Variants in MORN3 observed in about 807,000 individuals in gnomAD.
MORN3 encodes the protein MORN repeat containing 3, also known as MORN repeat-containing protein 3.
A neutral mutation model predicts 34.7 loss-of-function variants in MORN3; 38 were observed. The ratio of observed to expected loss-of-function variants is 1.10; its 90% CI spans 0.85 to 1.44. The LOEUF is 1.44. MORN3 is among the 40% of genes most tolerant of loss of function. The pLI, the probability that MORN3 is intolerant of heterozygous loss-of-function variation, is 0.00. For missense variants in MORN3, 311 were observed against 321.7 expected (o/e 0.97, Z 0.25); for synonymous variants, 109 against 115.3 (o/e 0.95, Z 0.35).
At chr12:121,657,173 A>T (rs1893438712) in intron 2 of MORN3, among the ~76,000 whole-genome samples, 1 of 152,228 alleles carries the variant, frequency 6.6e-6, no homozygotes. Context: ...TTAAACAAAG[A>T]CAGTAACAGC....
upstream of MORN3, among the ~76,000 whole-genome samples, chr12:121,669,834 T>TATAATATATATATATATATATATATATA (rs1566488482): frequency 2.2e-5 from 2 of 92,270 alleles, no homozygotes; most frequent in African/African-American, 9.2e-5. Flanking sequence ...ATATATATAT[T>TATAATATATATATATATATATATATATA]TTTTTTTTTA....
chr12:121,653,380 C>T (rs1236483904), intron 3 of MORN3, 121 bp from the exon 4 acceptor site: 36 of 1,031,886 alleles, frequency 3.5e-5, no homozygotes, highest in Non-Finnish European at 4.8e-5. Context: ...ATGGGAGGCT[C>T]ATAAGCCCAG....
rs12229133 is a variant in MORN3 at position 121,649,161 on chromosome 12, C to T, written c.*2490G>A. Reference sequence around the variant, plus strand: ...ACAGGGTTTCACCATGTTGGTCAGGCTGGTCTCGAACTCCTGACCTCTTGA... The same window carrying T: ...ACAGGGTTTCACCATGTTGGTCAGGTTGGTCTCGAACTCCTGACCTCTTGA... On this transcript the variant is annotated 3_prime_UTR_variant, in exon 6 of 6. Coordinates refer to ENST00000355329, the MANE Select transcript of MORN3 (RefSeq NM_173855.5). The T allele has an allele frequency of 0.022, 3,305 of 152,212 alleles. 74 individuals carry two copies. The highest frequency in any genetic ancestry group is 0.072 in the South Asian group (346 of 4,830). 9.4% of individuals were successfully genotyped at this position (152,212 alleles called of 1,614,324 possible).
chr12:121,652,940 G>A, intron 4 of MORN3, 132 bp from the exon 5 acceptor site: 1 of 1,425,072 alleles, frequency 7.0e-7, no homozygotes. Context: ...GGGATGCCCT[G>A]ACTGAAAACA....
chr12:121,663,256 C>A (rs144317774), intron 1 of MORN3, among the ~76,000 whole-genome samples: 14 of 148,334 alleles, frequency 9.4e-5, no homozygotes, highest in Non-Finnish European at 2.1e-4. Flanking sequence ...TGGAGTGCAA[C>A]GGTGCAATCT....
At chr12:121,672,323 G>A (rs1893991640), upstream of MORN3, among the ~76,000 whole-genome samples, 1 of 152,144 alleles carries the variant, frequency 6.6e-6, no homozygotes, top group African/African-American at 2.4e-5. Flanking sequence ...AGCTGGGCAT[G>A]GTGGCGCAGG....
chr12:121,656,986 C>A (rs886330939), intron 2 of MORN3, among the ~76,000 whole-genome samples: 1 of 152,168 alleles, frequency 6.6e-6, no homozygotes, highest in Non-Finnish European at 1.5e-5. Context: ...CTGGGCTCTA[C>A]CACTTGCTAG....
intron 1 of MORN3, among the ~76,000 whole-genome samples, chr12:121,662,763 G>A (rs1299851112): frequency 5.3e-5 from 8 of 150,216 alleles, no homozygotes; most frequent in East Asian, 1.9e-4. Context: ...AAAAAACGCC[G>A]GGCATGATGG....
rs782804563 is a variant in MORN3, at chr12:121,654,228, G to A, written c.463+46C>T. ...AAATGGGCGTGGCCAGCTCGCTGCC[G>A]GGGGCGTGGTCGGGTGGGCGGGGCC... On this transcript the variant is annotated intron_variant, in intron 3 of 5. Transcript: ENST00000355329. The A allele has an allele frequency of 5.4e-6, 8 of 1,480,824 alleles. No homozygotes were observed. The African/African-American group carries it at 5.6e-5, about 10-fold the overall frequency. The allele number at this position is 1,480,824 out of a possible 1,614,324, so 91.7% of individuals were successfully genotyped here. A position where few individuals can be genotyped will look rare whatever the true frequency, so the allele number is the denominator to read the frequency against.
Position 121,651,268 on chromosome 12 carries a change from G to T in MORN3, c.*383C>A, listed in dbSNP as rs1323153350. The T allele has an allele frequency of 2.6e-5, 4 of 152,096 alleles. No homozygotes were observed. Among genetic ancestry groups the T allele is most frequent in the African/African-American group, 7.2e-5 (3 of 41,380 alleles). The allele number at this position is 152,096 out of a possible 1,614,324, so 9.4% of individuals were successfully genotyped here. ...AGCCACTGCACCCGGCCTAAGACCT[G>T]CCCTTACTCCCCCAAGCTAAACCCA... On this transcript the variant is annotated 3_prime_UTR_variant, in exon 6 of 6. Transcript: ENST00000355329.
Position 121,669,324 on chromosome 12 carries a change from C to T in MORN3, c.145+15G>A, listed in dbSNP as rs531850795. On this transcript the variant is annotated intron_variant, in intron 1 of 5. Transcript: ENST00000355329. ...CTGACCCCACTCCGGCCGCCCGTCC[C>T]GGAGTCCCACTCACCGTGTTTCACG... The T allele has an allele frequency of 1.5e-4, 237 of 1,612,334 alleles. 1 individual carries two copies. In the South Asian group the frequency reaches 2.3e-3, roughly 16 times the overall value.
At chr12:121,665,992 G>A (rs1157645949) in intron 1 of MORN3, among the ~76,000 whole-genome samples, 1 of 151,900 alleles carries the variant, frequency 6.6e-6, no homozygotes, top group African/African-American at 2.4e-5. Flanking sequence ...CTGAGAGTCT[G>A]CACAGGACAC....
rs1893737395 is a variant in MORN3 at position 121,665,772 on chromosome 12, A to AG, written c.145+3566_145+3567insC. On this transcript the variant is annotated intron_variant, in intron 1 of 5. Transcript: ENST00000355329. ...AGAATGAGACTCTGTCTCAAAAAAA[A>AG]AAAAAAAAAAAAAAAGACCTGGCAT... Among the ~76,000 whole-genome samples the AG allele has an allele frequency of 2.7e-5, 4 of 150,372 alleles. No homozygotes were observed. In the South Asian group the frequency reaches 8.4e-4, roughly 32 times the overall value.
chr12:121,664,574 C>A (rs1264358483), intron 1 of MORN3, among the ~76,000 whole-genome samples: 1 of 152,198 alleles, frequency 6.6e-6, no homozygotes, highest in South Asian at 2.1e-4. Context: ...GCCTGGCCAA[C>A]ATGGCGAAAT....
upstream of MORN3, among the ~76,000 whole-genome samples, chr12:121,671,971 A>C (rs1893981132): frequency 6.6e-6 from 1 of 152,146 alleles, no homozygotes; most frequent in Non-Finnish European, 1.5e-5. Context: ...TCAGAATTGC[A>C]AGAGAACCCA....
chr12:121,656,669 G>A (rs1893426840), intron 2 of MORN3, among the ~76,000 whole-genome samples: 1 of 152,004 alleles, frequency 6.6e-6, no homozygotes, highest in African/African-American at 2.4e-5. Flanking sequence ...ACACCACTAT[G>A]CCCGGCTAAT....
chr12:121,660,874 G>A lies in MORN3; in HGVS notation c.146-1526C>T, dbSNP rs529456189. Among the ~76,000 whole-genome samples the A allele has an allele frequency of 5.1e-3, 780 of 151,894 alleles. 3 individuals are homozygous for A. Among genetic ancestry groups the A allele is most frequent in the Admixed American group, 0.01 (153 of 15,220 alleles). On this transcript the variant is annotated intron_variant, in intron 1 of 5. Transcript: ENST00000355329. ...GTAGAGACGGGGGTCTCTCCATGTT[G>A]GTCAGGCTGGTCTCGAACTCCCGAC...
At chr12:121,663,232 C>A (rs982127028) in intron 1 of MORN3, among the ~76,000 whole-genome samples, 1 of 139,720 alleles carries the variant, frequency 7.2e-6, no homozygotes, top group Non-Finnish European at 1.5e-5. Context: ...GAGTTTCATT[C>A]TTGTTGCTCA....
chr12:121,658,508 G>A (rs1893478088), intron 2 of MORN3, among the ~76,000 whole-genome samples: 2 of 146,952 alleles, frequency 1.4e-5, no homozygotes, highest in Non-Finnish European at 3.0e-5. Flanking sequence ...GGAGCTCGCA[G>A]TGAGCCAAGA....
Sources: gnomAD v4.1 joint callset for allele counts (sites outside exome capture counted in the v4.1 genomes callset) on GRCh38, gnomAD v4.1.1 for gene constraint, MANE v1.5 for transcripts, NCBI Gene and HGNC (gene_info 2026-07-23, HGNC 2026-07-21) for gene names.